The following PDIA5 variants were observed in gnomAD, a reference collection of about 807,000 sequenced individuals.
The protein encoded by PDIA5 is protein disulfide isomerase family A member 5.
PDIA5 carries 58 observed loss-of-function variants against 77.6 expected under a neutral mutation model. The ratio of observed to expected loss-of-function variants is 0.75; its 90% CI spans 0.61 to 0.93. The LOEUF is 0.93. Ranked by LOEUF, PDIA5 falls within the 40% of genes least tolerant of loss-of-function variation. PDIA5 has a pLI of 0.00. For missense variants in PDIA5, 630 were observed against 647.7 expected (o/e 0.97, Z 0.30); for synonymous variants, 250 against 252.1 (o/e 0.99, Z 0.08).
intron 5 of PDIA5, among the ~76,000 whole-genome samples, chr3:123,105,590 C>G (rs1183229198): frequency 6.6e-6 from 1 of 152,226 alleles, no homozygotes; most frequent in Non-Finnish European, 1.5e-5. Flanking sequence ...GAAGTCTTGG[C>G]TGTCTCCCAT....
At chr3:123,128,060 A>G (rs1935284292) in intron 10 of PDIA5, among the ~76,000 whole-genome samples, 1 of 152,194 alleles carries the variant, frequency 6.6e-6, no homozygotes, top group East Asian at 1.9e-4. Flanking sequence ...CACGGTGCCC[A>G]GTTCTCCAGT....
chr3:123,140,837 T>A (rs145540037), intron 11 of PDIA5, among the ~76,000 whole-genome samples: 1 of 152,192 alleles, frequency 6.6e-6, no homozygotes, highest in African/African-American at 2.4e-5. Context: ...GACAGCCATG[T>A]GTGCGAGCTG....
At chr3:123,136,198 C>T (rs1328564460) in intron 11 of PDIA5, among the ~76,000 whole-genome samples, 1 of 152,116 alleles carries the variant, frequency 6.6e-6, no homozygotes, top group Non-Finnish European at 1.5e-5. Flanking sequence ...GCCTCCCAAG[C>T]AGCTGGGATT....
chr3:123,124,837 A>G (rs1271036140), intron 10 of PDIA5, among the ~76,000 whole-genome samples: 1 of 152,132 alleles, frequency 6.6e-6, no homozygotes, highest in Admixed American at 6.5e-5. Context: ...CTTATTTCAA[A>G]CACAGCACTG....
chr3:123,145,430 A>G (rs1164442383), intron 11 of PDIA5, 92 bp from the exon 12 acceptor site: 7 of 816,246 alleles, frequency 8.6e-6, no homozygotes, highest in South Asian at 1.6e-5. Context: ...GTGTCTGGGA[A>G]TGGGACTGAG....
intron 14 of PDIA5, among the ~76,000 whole-genome samples, chr3:123,151,734 T>TCCTGCCTGCCTGCCTGCCTG (rs67239583): frequency 2.1e-4 from 23 of 111,516 alleles, no homozygotes; most frequent in South Asian, 3.7e-4. Context: ...ACTCCTTCCT[T>TCCTGCCTGCCTGCCTGCCTG]CCTGCCTGCC....
intron 6 of PDIA5, among the ~76,000 whole-genome samples, chr3:123,110,644 C>G (rs1934837833): frequency 6.6e-6 from 1 of 152,172 alleles, no homozygotes; most frequent in Admixed American, 6.5e-5. Context: ...CTGGTCCTCA[C>G]GACTCCCTCT....
At chr3:123,136,849 AG>A (rs1935517151) in intron 11 of PDIA5, among the ~76,000 whole-genome samples, 1 of 152,082 alleles carries the variant, frequency 6.6e-6, no homozygotes, top group African/African-American at 2.4e-5. Context: ...TAGGTCTCGA[AG>A]ATATTTTCAT....
chr3:123,157,639 C>T (rs951049711), intron 15 of PDIA5, among the ~76,000 whole-genome samples: 1 of 152,216 alleles, frequency 6.6e-6, no homozygotes, highest in Non-Finnish European at 1.5e-5. Flanking sequence ...TGTTCACTTC[C>T]ATTTTCATAG....
intron 11 of PDIA5, among the ~76,000 whole-genome samples, chr3:123,132,946 G>A (rs1267981719): frequency 6.6e-6 from 1 of 152,194 alleles, no homozygotes; most frequent in African/African-American, 2.4e-5. Context: ...GAGTGAGAGG[G>A]ATCAGGGCAA....
intron 10 of PDIA5, among the ~76,000 whole-genome samples, chr3:123,127,889 G>C (rs1029903518): frequency 6.6e-6 from 1 of 152,214 alleles, no homozygotes; most frequent in Admixed American, 6.5e-5. Flanking sequence ...CATGTATTGA[G>C]TGTCTGCTGT....
In PDIA5 at chr3:123,116,235, C is replaced by T; in HGVS notation, c.546C>T (p.Cys182=). The change falls in exon 8 of 17, where the codon TGC becomes TGT. Residue 182 remains cysteine (C), a synonymous_variant. Coordinates refer to ENST00000316218, the MANE Select transcript of PDIA5 (RefSeq NM_006810.4). ...CTCTCTCCTGCCTGTGACCAGGGTG[C>T]AGCATGTGCAAGAGGATGATGCCGC... ...PLLIMFYAPW[C]SMCKRMMPHF... is the part of the protein sequence containing the mutation. The T allele has an allele frequency of 6.2e-7, 1 of 1,613,824 alleles. No individual in the cohort carries two copies. Among genetic ancestry groups the T allele is most frequent in the Non-Finnish European group, 8.5e-7 (1 of 1,179,784 alleles).
intron 10 of PDIA5, among the ~76,000 whole-genome samples, chr3:123,125,206 C>G (rs543921495): frequency 5.9e-5 from 9 of 152,332 alleles, no homozygotes; most frequent in African/African-American, 1.7e-4. Flanking sequence ...CACTTACCAG[C>G]CACTGCTGCT....
At chr3:123,104,117 G>A (rs1030640236) in intron 5 of PDIA5, among the ~76,000 whole-genome samples, 1 of 152,100 alleles carries the variant, frequency 6.6e-6, no homozygotes, top group African/African-American at 2.4e-5. Flanking sequence ...TCCTGGCTTC[G>A]CCCCACTTCT....
chr3:123,137,428 T>C (rs1935527589), intron 11 of PDIA5, among the ~76,000 whole-genome samples: 1 of 152,260 alleles, frequency 6.6e-6, no homozygotes, highest in South Asian at 2.1e-4. Context: ...TTATCTGTTT[T>C]CTGTGTTTTC....
chr3:123,068,250 T>G (rs568285500), intron 1 of PDIA5, among the ~76,000 whole-genome samples: 20 of 152,272 alleles, frequency 1.3e-4, no homozygotes, highest in Non-Finnish European at 2.4e-4. Context: ...CATTTGGGTG[T>G]GGCAAGGACA....
chr3:123,086,463 G>A (rs1233377033), intron 1 of PDIA5, among the ~76,000 whole-genome samples: 2 of 152,180 alleles, frequency 1.3e-5, no homozygotes, highest in African/African-American at 4.8e-5. Context: ...TAGAAAGACT[G>A]GGATTCAGAT....
intron 14 of PDIA5, among the ~76,000 whole-genome samples, chr3:123,153,109 T>C (rs745694474): frequency 1.3e-5 from 2 of 152,148 alleles, no homozygotes; most frequent in Non-Finnish European, 2.9e-5. Flanking sequence ...TTTCGGATAA[T>C]GAGAAAATTA....
At chr3:123,153,271 G>A (rs1935953395) in intron 14 of PDIA5, among the ~76,000 whole-genome samples, 1 of 152,188 alleles carries the variant, frequency 6.6e-6, no homozygotes, top group Non-Finnish European at 1.5e-5. Flanking sequence ...TGAGGAAGGG[G>A]GGTGGTTATT....
Sources: gnomAD v4.1 joint callset for allele counts (sites outside exome capture counted in the v4.1 genomes callset) on GRCh38, gnomAD v4.1.1 for gene constraint, MANE v1.5 for transcripts, NCBI Gene and HGNC (gene_info 2026-07-23, HGNC 2026-07-21) for gene names.